DUOX2: variants seen among roughly 807,000 people sequenced by gnomAD.
DUOX2 encodes NADH/NADPH thyroid oxidase p138-tox.
Under a neutral mutation model 183.3 loss-of-function variants are expected in DUOX2, and 185 were observed. The ratio of observed to expected loss-of-function variants is 1.01; its 90% confidence interval spans 0.90 to 1.14. The LOEUF (loss-of-function observed/expected upper bound fraction) is 1.14, where lower values mean the gene tolerates loss of function less well. Ranked by LOEUF, DUOX2 falls within the 50% of genes most tolerant of loss-of-function variation. DUOX2 has a pLI of 0.00. For missense variants in DUOX2, 1,999 were observed against 2,022.9 expected (o/e 0.99, Z 0.23); for synonymous variants, 788 against 812.4 (o/e 0.97, Z 0.51).
intron 29 of DUOX2, 129 bp downstream of exon 29, chr15:45,097,109 T>TTTG (rs1344777308): frequency 1.1e-5 from 16 of 1,439,502 alleles, no homozygotes; most frequent in Middle Eastern, 2.4e-4. Context: ...AGAGTGGTTT[T>TTTG]TTGTTGTTGT....
At chr15:45,095,771 G>T in intron 30 of DUOX2, 57 bp downstream of exon 30, 1 of 1,568,104 alleles carries the variant, frequency 6.4e-7, no homozygotes, top group Non-Finnish European at 8.7e-7. Context: ...ATAGGGAAGG[G>T]CAGAGATCCT....
At position 45,105,628 on chromosome 15, in the gene DUOX2, C is replaced by T. The variant is rs754413921; in HGVS notation, c.2334+15G>A. On this transcript the variant is annotated intron_variant, in intron 18 of 33. Transcript: ENST00000389039. ...TGGGGCTGGACCCATCTCCAAAAGG[C>T]ACAGGTCATGGCACCTGAGCAAAAA... 1.9e-6 allele frequency: 3 copies of T among 1,614,164 alleles called. No individual in the cohort carries two copies. Among genetic ancestry groups the T allele is most frequent in the Admixed American group, 1.7e-5 (1 of 60,028 alleles).
rs893859923 is a variant in DUOX2 at position 45,108,171 on chromosome 15, G to A, written c.1450C>T (p.Leu484=). 4 of 1,614,100 alleles carry A rather than the reference G, an allele frequency of 2.5e-6. No individual in the cohort carries two copies. In the African/African-American group the frequency reaches 5.3e-5, roughly 22 times the overall value. Residue 484 remains leucine (L), a synonymous_variant, in exon 13 of 34, where the codon CTG becomes TTG. Transcript: ENST00000389039. ...LYNQDLSQLE[L]LLGGLLESHG... is the part of the protein sequence containing the mutation. ...CTCTCCAGGAGCCCCCCAAGGAGCAGCTCTAGCTGGGATAGGTCCTGGTTG... is the reference window on the plus strand; with the variant it reads ...CTCTCCAGGAGCCCCCCAAGGAGCAACTCTAGCTGGGATAGGTCCTGGTTG...
chr15:45,099,172 G>A (rs933071349), intron 26 of DUOX2: 79 of 448,118 alleles, frequency 1.8e-4, no homozygotes, highest in African/African-American at 3.8e-4. Flanking sequence ...CACCACGCCC[G>A]GCTAATTTTT....
At chr15:45,111,989 G>A (rs1894439504) in intron 4 of DUOX2, 34 bp from the exon 5 acceptor site, 3 of 1,608,866 alleles carry the variant, frequency 1.9e-6, no homozygotes, top group Non-Finnish European at 2.5e-6. Flanking sequence ...GTGACAAACC[G>A]TCCGTATTGC....
rs1893931355 is a variant in DUOX2 at position 45,097,339 on chromosome 15, T to C, written c.3746A>G (p.Tyr1249Cys). ...ALIQLPTFHI[Y>C]FLVPAIIYGG... ...ATAGATGATTGCCGGGACCAGGAAG[T>C]AGATGTGGAAAGTGGGCAGCTGGAT... The change falls in exon 29 of 34, where the codon TAC becomes TGC. Residue 1249 changes from tyrosine to cysteine, a missense_variant. Physicochemically the swap from Tyr to Cys is radical, Grantham distance 194 (BLOSUM62 -2). Transcript: ENST00000389039. 3 of 1,613,962 alleles carry C rather than the reference T, an allele frequency of 1.9e-6. No homozygotes were observed. The highest frequency in any genetic ancestry group is 1.7e-6 in the Non-Finnish European group (2 of 1,180,032).
intron 13 of DUOX2, among the ~76,000 whole-genome samples, 179 bp downstream of exon 13, chr15:45,107,868 A>AAAAAG (rs1216761094): frequency 5.9e-4 from 8 of 13,516 alleles, no homozygotes; most frequent in African/African-American, 1.8e-3. Flanking sequence ...AAAAAAAAAA[A>AAAAAG]AAAAGAAAAA....
intron 18 of DUOX2, 101 bp downstream of exon 18, chr15:45,105,542 T>C: frequency 1.4e-6 from 2 of 1,428,656 alleles, no homozygotes; most frequent in South Asian, 1.2e-5. Flanking sequence ...CTCCAGGCCA[T>C]AGAGCGGAAG....
chr15:45,106,768 C>A (rs1894226953), intron 15 of DUOX2, 64 bp downstream of exon 15: 1 of 1,599,276 alleles, frequency 6.3e-7, no homozygotes, highest in Non-Finnish European at 8.5e-7. Context: ...AAATAGCCAG[C>A]CCCTCAGGCC....
chr15:45,104,366 C>A lies in DUOX2; in HGVS notation c.2335-1G>T. On this transcript the variant is annotated splice_acceptor_variant, in intron 18 of 33. Transcript: ENST00000389039. LOFTEE classifies it high-confidence loss of function. ...CGTCGGCCTGGTTGATGTCCAGCAC[C>A]TGCACTCGGGCAGCAGCAGAGGGAG... The A allele has an allele frequency of 6.2e-7, 1 of 1,613,434 alleles. No individual in the cohort carries two copies. The highest frequency in any genetic ancestry group is 8.5e-7 in the Non-Finnish European group (1 of 1,179,746).
Position 45,112,582 on chromosome 15 carries a change from G to A in DUOX2, c.297C>T (p.His99=). 1 of 1,613,170 alleles carries A rather than the reference G, an allele frequency of 6.2e-7. No homozygotes were observed. Among genetic ancestry groups the A allele is most frequent in the Non-Finnish European group, 8.5e-7 (1 of 1,179,772 alleles). ...AGAAGACCCCCAGTACGGTGCGGTT[G>A]TGGAGCGACGGCAGGCCGGCTATGC... ...TRGIAGLPSL[H]NRTVLGVFFG... Residue 99 remains histidine (H), a synonymous_variant, in exon 4 of 34, where the codon CAC becomes CAT. Coordinates refer to ENST00000389039, the MANE Select transcript of DUOX2 (RefSeq NM_001363711.2).
In DUOX2 at chr15:45,105,717, G is replaced by T. The variant is rs770655152; in HGVS notation, c.2260C>A (p.Leu754Ile). 9.3e-6 allele frequency: 15 copies of T among 1,614,220 alleles called. No individual in the cohort carries two copies. Among genetic ancestry groups the T allele is most frequent in the Middle Eastern group, 1.6e-4 (1 of 6,062 alleles). Reference protein sequence around the residue: ...LHVAEMSEKELFRKAVTKQQR... With the variant: ...LHVAEMSEKEIFRKAVTKQQR... ...TGCTTTGTCACAGCCTTCCTAAATAGCTCCTTCTCGCTCATCTCAGCCACA... is the reference window on the plus strand; with the variant it reads ...TGCTTTGTCACAGCCTTCCTAAATATCTCCTTCTCGCTCATCTCAGCCACA... Residue 754 changes from leucine (L) to isoleucine (I), a missense_variant, in exon 18 of 34, where the codon CTA (leucine) becomes ATA (isoleucine). Physicochemically the swap from Leu to Ile is conservative, Grantham distance 5. This residue lies in a region of DUOX2 where 1,628 missense variants were observed against 1,608.6 expected (regional missense o/e 1.01). Transcript: ENST00000389039.
chr15:45,112,722 C>T lies in DUOX2; in HGVS notation c.161-4G>A. ...ACGCGGCGCTGCAACCGGCAGCCTG[C>T]GGAGGCAGGGAGCGGGGCTCTGTCT... On this transcript the variant is annotated splice_region_variant and splice_polypyrimidine_tract_variant and intron_variant, in intron 3 of 33. Coordinates refer to ENST00000389039, the MANE Select transcript of DUOX2 (RefSeq NM_001363711.2). 6.2e-7 allele frequency: 1 copy of T among 1,611,144 alleles called. No individual in the cohort carries two copies. Among genetic ancestry groups the T allele is most frequent in the Non-Finnish European group, 8.5e-7 (1 of 1,179,872 alleles).
Position 45,104,212 on chromosome 15 carries a change from G to A in DUOX2, c.2488C>T (p.Leu830=), listed in dbSNP as rs369472189. The part of the protein sequence containing the change: ...QDMFVESMFS[L]ADKDGNGYLS... The stretch of plus-strand genomic sequence containing the variant: ...TAGCCATTGCCATCCTTGTCAGCCA[G>A]AGAGAACATGGACTCCACAAACATG... The change falls in exon 19 of 34, where the codon CTG becomes TTG. Residue 830 remains leucine, a synonymous_variant. Coordinates refer to ENST00000389039, the MANE Select transcript of DUOX2 (RefSeq NM_001363711.2). The A allele has an allele frequency of 6.8e-6, 11 of 1,614,042 alleles. No individual in the cohort carries two copies. The highest frequency in any genetic ancestry group is 9.3e-6 in the Non-Finnish European group (11 of 1,180,028).
In DUOX2 at chr15:45,101,291, G is replaced by C; in HGVS notation, c.2852-17C>G. 6.2e-7 allele frequency: 1 copy of C among 1,609,878 alleles called. No homozygotes were observed. The highest frequency in any genetic ancestry group is 8.5e-7 in the Non-Finnish European group (1 of 1,177,446). On this transcript the variant is annotated splice_polypyrimidine_tract_variant and intron_variant, in intron 21 of 33. Transcript: ENST00000389039. The stretch of plus-strand genomic sequence containing the variant: ...CTCTAATACCTAGAGAAAAGAACAA[G>C]AGGCAGGACTGGCTTCCCCACAAGG...
Position 45,105,635 on chromosome 15 carries a change from C to A in DUOX2, c.2334+8G>T. On this transcript the variant is annotated splice_region_variant and intron_variant, in intron 18 of 33. Transcript: ENST00000389039. ...GGACCCATCTCCAAAAGGCACAGGTCATGGCACCTGAGCAAAAAGGTGTCT... is the reference window on the plus strand; with the variant it reads ...GGACCCATCTCCAAAAGGCACAGGTAATGGCACCTGAGCAAAAAGGTGTCT... 6.2e-7 allele frequency: 1 copy of A among 1,614,160 alleles called. No individual in the cohort carries two copies. The highest frequency in any genetic ancestry group is 8.5e-7 in the Non-Finnish European group (1 of 1,180,024).
intron 31 of DUOX2, 40 bp from the exon 32 acceptor site, chr15:45,095,131 C>T (rs982905456): frequency 6.3e-7 from 1 of 1,599,724 alleles, no homozygotes; most frequent in Non-Finnish European, 8.5e-7. Context: ...CAGCTCAGTT[C>T]AGCCTCCCTA....
Position 45,104,267 on chromosome 15 carries a change from A to C in DUOX2, c.2433T>G (p.Phe811Leu). The change falls in exon 19 of 34, where the codon TTT (phenylalanine) becomes TTG (leucine). Residue 811 changes from phenylalanine to leucine, a missense_variant. Around this residue, in one of 3 missense-constraint regions of DUOX2, gnomAD observed 1,628 missense variants for 1,608.6 expected, o/e 1.01. Coordinates refer to ENST00000389039, the MANE Select transcript of DUOX2 (RefSeq NM_001363711.2). ...ALTCELSRAE[F>L]AESLGLKPQD... ...GGGGCTTGAGGCCCAGGGACTCGGC[A>C]AACTCGGCCCTGCTCAGCTCGCAGG... 2 of 1,614,082 alleles carry C rather than the reference A, an allele frequency of 1.2e-6. No homozygotes were observed. The highest frequency in any genetic ancestry group is 1.7e-6 in the Non-Finnish European group (2 of 1,180,004).
intron 12 of DUOX2, 200 bp downstream of exon 12, chr15:45,108,589 T>C (rs1894294512): frequency 7.2e-6 from 5 of 690,066 alleles, no homozygotes; most frequent in Non-Finnish European, 9.8e-6. Context: ...TGGTTAGGAA[T>C]ATATTCTGGA....
Sources: allele counts gnomAD v4.1 joint callset (sites outside exome capture counted in the v4.1 genomes callset), GRCh38; gene constraint gnomAD v4.1.1; regional missense constraint gnomAD v4.1.1; transcripts MANE v1.5; gene names NCBI Gene and HGNC (gene_info 2026-07-23, HGNC 2026-07-21).